Variants in CDH12 observed in about 807,000 individuals in gnomAD.
CDH12 encodes the protein cadherin-12.
In CDH12, 41 loss-of-function variants were observed where a neutral mutation model predicts 74.1. The observed-to-expected ratio is 0.55, with a 90% CI of 0.43 to 0.72. The LOEUF (loss-of-function observed/expected upper bound fraction) is 0.72. Ranked by LOEUF, CDH12 falls within the 30% of genes least tolerant of loss-of-function variation. The pLI, the probability that CDH12 is intolerant of heterozygous loss-of-function variation, is 0.00. For missense variants in CDH12, 945 were observed against 977.2 expected (o/e 0.97, Z 0.44); for synonymous variants, 399 against 355.0 (o/e 1.12, Z -1.39).
chr5:21,903,905 A>G (rs1156793120), intron 6 of CDH12, among the ~76,000 whole-genome samples: 1 of 152,042 alleles, frequency 6.6e-6, no homozygotes, highest in African/African-American at 2.4e-5. Flanking sequence ...AATGAGACAC[A>G]AAAAAAGCCA....
chr5:22,370,980 G>C lies in CDH12; in HGVS notation c.-333+34277C>G, dbSNP rs551691130. On this transcript the variant is annotated intron_variant, in intron 3 of 14. Coordinates refer to ENST00000382254, the MANE Select transcript of CDH12 (RefSeq NM_004061.5). ...AAAACAAACAAATCAATTACTTTTT[G>C]TTTGGAAGCTATAGTAAAGGATCTT... 2.6e-3 allele frequency among the ~76,000 whole-genome samples: 398 copies of C among 152,190 alleles called. 2 individuals are homozygous for C. The highest frequency in any genetic ancestry group is 9.1e-3 in the African/African-American group (377 of 41,552).
intron 5 of CDH12, among the ~76,000 whole-genome samples, chr5:21,997,969 C>T (rs1301954367): frequency 1.3e-5 from 2 of 152,034 alleles, no homozygotes; most frequent in Non-Finnish European, 2.9e-5. Flanking sequence ...AATGTGTTTC[C>T]TTAGCAGGAA....
intron 10 of CDH12, among the ~76,000 whole-genome samples, chr5:21,785,834 C>G (rs1221188925): frequency 6.6e-6 from 1 of 152,122 alleles, no homozygotes; most frequent in East Asian, 1.9e-4. Flanking sequence ...TCAAAAAGAT[C>G]TAGATAAGAT....
At chr5:22,370,148 T>C (rs1741216907) in intron 3 of CDH12, among the ~76,000 whole-genome samples, 1 of 152,162 alleles carries the variant, frequency 6.6e-6, no homozygotes, top group South Asian at 2.1e-4. Context: ...CTGAATAAAG[T>C]GTGCTTATAT....
At chr5:22,571,679 T>C (rs2126766700) in intron 1 of CDH12, among the ~76,000 whole-genome samples, 1 of 152,340 alleles carries the variant, frequency 6.6e-6, no homozygotes, top group Non-Finnish European at 1.5e-5. Context: ...TTACTTTGAC[T>C]TGAACACTTA....
chr5:22,242,248 T>C (rs1038302226), intron 3 of CDH12, among the ~76,000 whole-genome samples: 1 of 152,192 alleles, frequency 6.6e-6, no homozygotes, highest in South Asian at 2.1e-4. Context: ...TTCAAGCTTT[T>C]ACTAAGATAT....
intron 1 of CDH12, among the ~76,000 whole-genome samples, chr5:22,552,622 T>C (rs2126735848): frequency 6.6e-6 from 1 of 152,094 alleles, no homozygotes; most frequent in East Asian, 1.9e-4. Flanking sequence ...AGAGATGGGG[T>C]TTCACCGTGT....
intron 1 of CDH12, among the ~76,000 whole-genome samples, chr5:22,836,223 C>CTTTTTTTTTTTTTT (rs61616737): frequency 0.11 from 7,111 of 65,488 alleles, 1,516 homozygotes; most frequent in Non-Finnish European, 0.14. Flanking sequence ...CTTTCTTTCT[C>CTTTTTTTTTTTTTT]TTTTTTTTTT....
At chr5:22,642,539 C>T (rs570464528) in intron 1 of CDH12, among the ~76,000 whole-genome samples, 9 of 152,166 alleles carry the variant, frequency 5.9e-5, no homozygotes, top group Non-Finnish European at 8.8e-5. Context: ...AATTGTATTA[C>T]ACTTACGGAG....
intron 1 of CDH12, among the ~76,000 whole-genome samples, chr5:22,514,767 C>T (rs924844963): frequency 2.0e-5 from 3 of 152,126 alleles, no homozygotes; most frequent in South Asian, 2.1e-4. Flanking sequence ...ACTCACAACT[C>T]ACACCACAAA....
At chr5:21,940,086 G>C (rs1189919281) in intron 6 of CDH12, among the ~76,000 whole-genome samples, 1 of 151,920 alleles carries the variant, frequency 6.6e-6, no homozygotes, top group Non-Finnish European at 1.5e-5. Flanking sequence ...AAATAAACAG[G>C]CATAGTGGCT....
intron 1 of CDH12, among the ~76,000 whole-genome samples, chr5:22,808,855 C>T (rs1748964529): frequency 6.7e-6 from 1 of 149,650 alleles, no homozygotes; most frequent in South Asian, 2.1e-4. Flanking sequence ...GATCTGCCTG[C>T]CTCAGCCTCC....
rs528965149 is a variant in CDH12, at chr5:22,180,903, C to T, written c.-187+31595G>A. Reference sequence around the variant, plus strand: ...TAGTTGTCCTGCTTGTATTGAGTCACATTATTTGTTAGACATCAAAAGGCA... The same window carrying T: ...TAGTTGTCCTGCTTGTATTGAGTCATATTATTTGTTAGACATCAAAAGGCA... On this transcript the variant is annotated intron_variant, in intron 4 of 14. Coordinates refer to ENST00000382254, the MANE Select transcript of CDH12 (RefSeq NM_004061.5). Among the ~76,000 whole-genome samples, 6 of 152,142 alleles carry T rather than the reference C, an allele frequency of 3.9e-5. No homozygotes were observed. The South Asian group carries it at 1.2e-3, about 32-fold the overall frequency.
intron 5 of CDH12, among the ~76,000 whole-genome samples, chr5:22,066,022 G>T (rs966780771): frequency 6.6e-6 from 1 of 152,048 alleles, no homozygotes; most frequent in African/African-American, 2.4e-5. Context: ...AAAACAGAGA[G>T]TCCTTGCCCC....
At chr5:22,224,453 C>T (rs1228856825) in intron 3 of CDH12, among the ~76,000 whole-genome samples, 2 of 151,970 alleles carry the variant, frequency 1.3e-5, no homozygotes, top group East Asian at 3.9e-4. Flanking sequence ...TAAACTGATC[C>T]CCCATTGTTC....
At chr5:22,333,229 A>C (rs182444361) in intron 3 of CDH12, among the ~76,000 whole-genome samples, 2 of 151,852 alleles carry the variant, frequency 1.3e-5, no homozygotes, top group Non-Finnish European at 2.9e-5. Context: ...GAAACCAAAA[A>C]CCGCATGTTT....
intron 7 of CDH12, among the ~76,000 whole-genome samples, chr5:21,843,619 A>C (rs1380532223): frequency 2.6e-5 from 4 of 151,488 alleles, no homozygotes; most frequent in African/African-American, 9.7e-5. Context: ...GGTTCAAGTG[A>C]TTCTCCTGCA....
chr5:21,921,003 C>T (rs759011695), intron 6 of CDH12, among the ~76,000 whole-genome samples: 30 of 152,206 alleles, frequency 2.0e-4, no homozygotes, highest in Non-Finnish European at 2.8e-4. Context: ...TCTACATCTG[C>T]TGCTCACATT....
At chr5:22,702,229 T>C (rs1424802675) in intron 1 of CDH12, among the ~76,000 whole-genome samples, 1 of 152,120 alleles carries the variant, frequency 6.6e-6, no homozygotes, top group Non-Finnish European at 1.5e-5. Flanking sequence ...CTATGCAACC[T>C]AAGTGGAAAG....
Sources: allele counts gnomAD v4.1 joint callset (sites outside exome capture counted in the v4.1 genomes callset), GRCh38; gene constraint gnomAD v4.1.1; transcripts MANE v1.5; gene names NCBI Gene and HGNC (gene_info 2026-07-23, HGNC 2026-07-21).